The following ESRRB variants were observed in gnomAD, a reference collection of about 807,000 sequenced individuals.
The protein encoded by ESRRB is steroid hormone receptor ERR2.
ESRRB carries 16 observed loss-of-function variants against 46.0 expected under a neutral mutation model. That is an observed-to-expected ratio of 0.35 (90% CI 0.24 to 0.53). ESRRB has a LOEUF of 0.53. Ranked by LOEUF, ESRRB falls within the 20% of genes least tolerant of loss-of-function variation. The probability of loss-of-function intolerance (pLI) is 0.93; values close to 1 mark genes in which losing one functional copy is unlikely to be tolerated. For synonymous variants in ESRRB, 246 were observed against 259.6 expected, an observed-to-expected ratio of 0.95 and a Z score of 0.50; for missense variants, 488 against 607.4, an observed-to-expected ratio of 0.80 and a Z score of 2.07.
chr14:76,347,431 G>GGCACAGACCATGTGTGTCTAA (rs1595051168), intron 1 of ESRRB, among the ~76,000 whole-genome samples: 2 of 61,234 alleles, frequency 3.3e-5, no homozygotes, highest in African/African-American at 4.4e-5. Flanking sequence ...GTGTGTGTGT[G>GGCACAGACCATGTGTGTCTAA]TGTCACACAC....
In ESRRB at chr14:76,376,956, C is replaced by T. The variant is rs531909907; in HGVS notation, c.50+505C>T. Among the ~76,000 whole-genome samples, 1 of 152,292 alleles carries T rather than the reference C, an allele frequency of 6.6e-6. No homozygotes were observed. Among genetic ancestry groups the T allele is most frequent in the Admixed American group, 6.5e-5 (1 of 15,292 alleles). On this transcript the variant is annotated intron_variant, in intron 1 of 6. Transcript: ENST00000644823. This position sits in a 1 kb window ranked among gnomAD's most constrained non-coding sequence, Gnocchi z 4.1. The stretch of plus-strand genomic sequence containing the variant: ...GCCGCGGCGGTTTGGAAACTGCAGG[C>T]GGCCAGTGCCGCTCTCGCCTCGCGG...
intron 2 of ESRRB, among the ~76,000 whole-genome samples, chr14:76,440,379 C>T (rs549006741): frequency 6.1e-4 from 93 of 152,164 alleles, no homozygotes; most frequent in African/African-American, 1.7e-3. Context: ...GCTGCAGTGA[C>T]CTGTGATGGC....
At position 76,501,117 on chromosome 14, in the gene ESRRB, G is replaced by T. The variant is rs1595181587; in HGVS notation, c.*2659G>T. On this transcript the variant is annotated 3_prime_UTR_variant, in exon 7 of 7. Transcript: ENST00000644823. ...CTTCCCCCAGTGGAACAGATCTCAA[G>T]TTTACCCTAAACCTGCCATTTCTGG... 4.2e-6 allele frequency: 1 copy of T among 238,008 alleles called. No homozygotes were observed. The allele number at this position is 238,008 out of a possible 1,614,324, so 14.7% of individuals were successfully genotyped here. A position where few individuals can be genotyped will look rare whatever the true frequency, so the allele number is the denominator to read the frequency against.
rs780720994 is a variant in ESRRB at position 76,401,866 on chromosome 14, A to G, written c.50+25415A>G. The stretch of plus-strand genomic sequence containing the variant: ...ATTTATGTATATAAAGAGATTTATT[A>G]TAAGGAATTAGCTTACATGATTATG... On this transcript the variant is annotated intron_variant, in intron 1 of 6. Transcript: ENST00000644823. Among the ~76,000 whole-genome samples the G allele has an allele frequency of 1.2e-4, 19 of 152,336 alleles. 1 individual carries two copies. The East Asian group carries it at 1.4e-3, about 11-fold the overall frequency.
At chr14:76,449,138 CT>C (rs1187273076) in intron 2 of ESRRB, among the ~76,000 whole-genome samples, 1 of 152,090 alleles carries the variant, frequency 6.6e-6, no homozygotes, top group Non-Finnish European at 1.5e-5. Context: ...AAGGGGAGTT[CT>C]TTTTTTATTT....
At chr14:76,491,951 C>T (rs1431804560) in intron 6 of ESRRB, among the ~76,000 whole-genome samples, 3 of 152,240 alleles carry the variant, frequency 2.0e-5, no homozygotes, top group African/African-American at 7.2e-5. Context: ...GACTGGCACA[C>T]TGGCTAAGGA....
intron 1 of ESRRB, among the ~76,000 whole-genome samples, chr14:76,428,829 C>T (rs1887310360): frequency 6.6e-6 from 1 of 152,126 alleles, no homozygotes; most frequent in African/African-American, 2.4e-5. Context: ...TTTTCCATGC[C>T]GTAATTTGTG....
chr14:76,382,326 C>G (rs1204035136), intron 1 of ESRRB, among the ~76,000 whole-genome samples: 1 of 152,198 alleles, frequency 6.6e-6, no homozygotes, highest in African/African-American at 2.4e-5. Flanking sequence ...GGGATTGGTT[C>G]GTCCATGGTG....
intron 1 of ESRRB, among the ~76,000 whole-genome samples, chr14:76,406,479 C>T (rs904479970): frequency 1.3e-5 from 2 of 152,190 alleles, no homozygotes; most frequent in Admixed American, 1.3e-4. Context: ...GGTGCAGTGG[C>T]TCACACCTGT....
chr14:76,485,233 A>ATTTTTTTTTTTTTTTTTTTTTTTTTT (rs34504939), intron 5 of ESRRB, among the ~76,000 whole-genome samples: 1 of 91,858 alleles, frequency 1.1e-5, no homozygotes. Context: ...CAAATGCCTG[A>ATTTTTTTTTTTTTTTTTTTTTTTTTT]TTTTTTTTTT....
At chr14:76,312,886 C>T (rs556658464) in intron 1 of ESRRB, among the ~76,000 whole-genome samples, 12 of 152,022 alleles carry the variant, frequency 7.9e-5, no homozygotes, top group Non-Finnish European at 1.6e-4. Context: ...TTAAAAATGC[C>T]TTTTAGTACA....
Position 76,500,399 on chromosome 14 carries a change from C to T in ESRRB, c.*1941C>T, listed in dbSNP as rs1890618467. ...GCCCTCCATGCAGCCCATCTTCCCT[C>T]ATTTGGGTGGAGGCACACATTTGGG... On this transcript the variant is annotated 3_prime_UTR_variant, in exon 7 of 7. Transcript: ENST00000644823. 1.7e-6 allele frequency: 1 copy of T among 587,398 alleles called. No homozygotes were observed. The highest frequency in any genetic ancestry group is 3.0e-6 in the Non-Finnish European group (1 of 331,024). The allele number at this position is 587,398 out of a possible 1,614,324, so 36.4% of individuals were successfully genotyped here.
chr14:76,332,891 TTTATATATTATATAC>T (rs1192462829), intron 1 of ESRRB, among the ~76,000 whole-genome samples: 6,407 of 23,028 alleles, frequency 0.28, 908 homozygotes, highest in African/African-American at 0.33. Context: ...ATATTATATA[TTTATATATTATATAC>T]TTATATATTA....
At chr14:76,477,152 C>T (rs1889616105) in intron 3 of ESRRB, among the ~76,000 whole-genome samples, 1 of 152,192 alleles carries the variant, frequency 6.6e-6, no homozygotes, top group Admixed American at 6.5e-5. Context: ...TTCCCCAACC[C>T]CAGGCTAGGG....
intron 1 of ESRRB, among the ~76,000 whole-genome samples, chr14:76,415,015 G>A (rs1220683077): frequency 6.6e-6 from 1 of 152,170 alleles, no homozygotes; most frequent in Non-Finnish European, 1.5e-5. Flanking sequence ...TTTGTGAGTC[G>A]CCCATCCATT....
Position 76,439,569 on chromosome 14 carries a change from C to T in ESRRB, c.279C>T (p.Cys93=). ...FAGAGLGGTP[C]RKSYEDCASG... is the part of the protein sequence containing the mutation. Reference sequence around the variant, plus strand: ...GCGCCGGGCTGGGAGGCACCCCATGCCGCAAGAGCTACGAGGACTGTGCCA... The same window carrying T: ...GCGCCGGGCTGGGAGGCACCCCATGTCGCAAGAGCTACGAGGACTGTGCCA... The change falls in exon 2 of 7, where the codon TGC becomes TGT. Residue 93 remains cysteine (C), a synonymous_variant. Coordinates refer to ENST00000644823, the MANE Select transcript of ESRRB (RefSeq NM_001379180.1). The T allele has an allele frequency of 6.2e-7, 1 of 1,614,122 alleles. No individual in the cohort carries two copies. The highest frequency in any genetic ancestry group is 8.5e-7 in the Non-Finnish European group (1 of 1,180,008).
chr14:76,489,445 CCACACACACA>C (rs56091857), intron 5 of ESRRB, among the ~76,000 whole-genome samples: 1 of 129,598 alleles, frequency 7.7e-6, no homozygotes, highest in African/African-American at 3.0e-5. Context: ...ATCTGGACAA[CCACACACACA>C]CACACACACA....
intron 1 of ESRRB, among the ~76,000 whole-genome samples, chr14:76,438,378 T>C (rs1566898387): frequency 6.6e-6 from 1 of 152,142 alleles, no homozygotes; most frequent in African/African-American, 2.4e-5. Context: ...ATTGTAGCCA[T>C]TGGCTGGGTG....
At chr14:76,391,478 G>A (rs1340690395) in intron 1 of ESRRB, among the ~76,000 whole-genome samples, 2 of 152,386 alleles carry the variant, frequency 1.3e-5, no homozygotes, top group African/African-American at 4.8e-5. Context: ...GTACAGGCCA[G>A]AAGCTGCAGC....
Sources: gnomAD v4.1 joint callset for allele counts (sites outside exome capture counted in the v4.1 genomes callset) on GRCh38, gnomAD v4.1.1 for gene constraint, Gnocchi (gnomAD v3.1) non-coding constraint, MANE v1.5 for transcripts, NCBI Gene and HGNC (gene_info 2026-07-23, HGNC 2026-07-21) for gene names.